Variants in SAMMSON observed in about 807,000 individuals in gnomAD.
SAMMSON encodes the protein survival associated mitochondrial melanoma specific oncogenic non-coding RNA.
intron 4 of SAMMSON, among the ~76,000 whole-genome samples, chr3:70,128,084 A>G (rs1281014844): frequency 2.0e-5 from 3 of 152,192 alleles, no homozygotes; most frequent in Non-Finnish European, 1.5e-5. Flanking sequence ...ATGTAGGATC[A>G]AAGGAAATAC....
At chr3:70,032,892 T>C (rs2107584292) in intron 3 of SAMMSON, among the ~76,000 whole-genome samples, 1 of 152,294 alleles carries the variant, frequency 6.6e-6, no homozygotes, top group South Asian at 2.1e-4. Context: ...AACTTCGCAA[T>C]GATGTAGCAG....
chr3:70,430,287 T>G (rs1701403352), intron 2 of SAMMSON, among the ~76,000 whole-genome samples: 1 of 152,206 alleles, frequency 6.6e-6, no homozygotes, highest in African/African-American at 2.4e-5. Context: ...TTGCAGATGT[T>G]CAACCAGCCT....
intron 4 of SAMMSON, among the ~76,000 whole-genome samples, chr3:70,163,822 A>G (rs558835321): frequency 6.6e-6 from 1 of 152,156 alleles, no homozygotes; most frequent in Admixed American, 6.6e-5. Flanking sequence ...TATTCTGGAG[A>G]AAGTTAGAAA....
intron 4 of SAMMSON, among the ~76,000 whole-genome samples, chr3:70,123,832 G>T (rs1350781857): frequency 1.3e-5 from 2 of 152,210 alleles, no homozygotes; most frequent in Admixed American, 1.3e-4. Context: ...AAAGCCTTCA[G>T]GCTTTTGGAG....
intron 4 of SAMMSON, among the ~76,000 whole-genome samples, chr3:70,212,439 C>T (rs7626715): frequency 0.022 from 3,422 of 152,154 alleles, 98 homozygotes; most frequent in African/African-American, 0.077. Context: ...TTTCCAGTTC[C>T]CTGGGCTTAA....
chr3:70,147,709 G>A (rs1040214761), intron 4 of SAMMSON, among the ~76,000 whole-genome samples: 4 of 149,638 alleles, frequency 2.7e-5, no homozygotes, highest in Admixed American at 2.0e-4. Flanking sequence ...AAGAAAACAT[G>A]GAGGAAAACT....
rs565138747 is a variant in SAMMSON, at chr3:70,043,016, T to C, written n.418-28460T>C. Reference sequence around the variant, plus strand: ...GTCCACACACAATAAAATATTCTAATGGTGTTTTAAAGAGAAGTTGTCCTT... The same window carrying C: ...GTCCACACACAATAAAATATTCTAACGGTGTTTTAAAGAGAAGTTGTCCTT... On this transcript the variant is annotated intron_variant and non_coding_transcript_variant, in intron 3 of 9. Coordinates refer to ENST00000642114, the Ensembl canonical transcript of SAMMSON. 2.6e-5 allele frequency among the ~76,000 whole-genome samples: 4 copies of C among 152,236 alleles called. No homozygotes were observed. In the South Asian group the frequency reaches 8.3e-4, roughly 32 times the overall value.
At position 70,344,753 on chromosome 3, in the gene SAMMSON, G is replaced by A. The variant is rs1575630142; in HGVS notation, n.740-9422G>A. Among the ~76,000 whole-genome samples the A allele has an allele frequency of 2.6e-5, 4 of 152,260 alleles. No individual in the cohort carries two copies. In the South Asian group the frequency reaches 8.3e-4, roughly 32 times the overall value. On this transcript the variant is annotated intron_variant and non_coding_transcript_variant, in intron 7 of 9. Transcript: ENST00000642114. ...TCCCCCTCCTGTAATGGGTTTGAGTGTGAACGGCTGAACAGAGGAGCCACA... is the reference window on the plus strand; with the variant it reads ...TCCCCCTCCTGTAATGGGTTTGAGTATGAACGGCTGAACAGAGGAGCCACA...
At chr3:70,255,375 G>A (rs1400920358) in intron 6 of SAMMSON, among the ~76,000 whole-genome samples, 2 of 152,138 alleles carry the variant, frequency 1.3e-5, no homozygotes, top group African/African-American at 2.4e-5. Flanking sequence ...TTGACATTTG[G>A]TTCATAATAA....
chr3:70,383,842 C>A (rs1274499610), intron 9 of SAMMSON, among the ~76,000 whole-genome samples: 1 of 151,952 alleles, frequency 6.6e-6, no homozygotes, highest in Non-Finnish European at 1.5e-5. Flanking sequence ...TTACAACGAG[C>A]CTATAACATC....
chr3:70,365,515 A>G (rs1047794611), intron 9 of SAMMSON, among the ~76,000 whole-genome samples: 11 of 151,670 alleles, frequency 7.3e-5, no homozygotes, highest in African/African-American at 2.7e-4. Context: ...GAGCCTCCCC[A>G]TTTCTTATCT....
intron 1 of SAMMSON, among the ~76,000 whole-genome samples, chr3:70,011,026 T>A (rs921451291): frequency 3.9e-5 from 6 of 152,114 alleles, no homozygotes; most frequent in African/African-American, 1.4e-4. Flanking sequence ...GGGATTACAA[T>A]TCAAGGTGAG....
intron 4 of SAMMSON, among the ~76,000 whole-genome samples, chr3:70,163,808 C>G (rs182238000): frequency 6.6e-6 from 1 of 152,124 alleles, no homozygotes; most frequent in Middle Eastern, 3.4e-3. Flanking sequence ...ATTGAAGTTA[C>G]AGTTATTCTG....
intron 4 of SAMMSON, among the ~76,000 whole-genome samples, chr3:70,235,523 C>A (rs1048071039): frequency 6.6e-6 from 1 of 152,158 alleles, no homozygotes; most frequent in Non-Finnish European, 1.5e-5. Context: ...CTCTAATCAC[C>A]AAATCAATGA....
intron 4 of SAMMSON, among the ~76,000 whole-genome samples, chr3:70,230,784 T>C (rs1254456998): frequency 6.6e-6 from 1 of 152,192 alleles, no homozygotes; most frequent in Non-Finnish European, 1.5e-5. Context: ...TGCTTCATGG[T>C]GAGACCAAGG....
In SAMMSON at chr3:70,187,003, G is replaced by A. The variant is rs565929322; in HGVS notation, n.508-62104G>A. On this transcript the variant is annotated intron_variant and non_coding_transcript_variant, in intron 4 of 9. Transcript: ENST00000642114. ...TCCTGTTCTAGCTGGGGACTACTGT[G>A]TGGACTGGCTGCTGGAAGAAAGGTC... 4.6e-5 allele frequency among the ~76,000 whole-genome samples: 7 copies of A among 152,308 alleles called. No individual in the cohort carries two copies. The South Asian group carries it at 1.5e-3, about 32-fold the overall frequency.
At chr3:70,208,723 G>C (rs1023202283) in intron 4 of SAMMSON, among the ~76,000 whole-genome samples, 2 of 152,044 alleles carry the variant, frequency 1.3e-5, no homozygotes, top group Non-Finnish European at 2.9e-5. Flanking sequence ...TCTTAAGATG[G>C]TTGCTTTCCA....
At chr3:70,177,297 C>A (rs984313823) in intron 4 of SAMMSON, among the ~76,000 whole-genome samples, 1 of 152,204 alleles carries the variant, frequency 6.6e-6, no homozygotes, top group Non-Finnish European at 1.5e-5. Flanking sequence ...GCTGAAAGAT[C>A]TGCACAGGGT....
chr3:70,222,438 T>C (rs552731317), intron 4 of SAMMSON, among the ~76,000 whole-genome samples: 3 of 152,352 alleles, frequency 2.0e-5, no homozygotes, highest in African/African-American at 7.2e-5. Context: ...TTGGTATTTA[T>C]GGATTTGTTT....
Sources: gnomAD v4.1 joint callset for allele counts (sites outside exome capture counted in the v4.1 genomes callset) on GRCh38, gnomAD v4.1.1 for gene constraint, MANE v1.5 for transcripts, NCBI Gene and HGNC (gene_info 2026-07-23, HGNC 2026-07-21) for gene names.